The following KANTR variants were observed in gnomAD, a reference collection of about 807,000 sequenced individuals.
KANTR encodes the protein KDM5C adjacent transcript.
intron 2 of KANTR, among the ~76,000 whole-genome samples, chrX:53,108,731 C>T (rs1569235270): frequency 9.2e-6 from 1 of 108,228 alleles, no homozygotes; most frequent in Non-Finnish European, 1.9e-5. Flanking sequence ...GGCAGGGTCT[C>T]GCTCTGTAAC....
chrX:53,101,789 G>A (rs1932895923), intron 2 of KANTR, among the ~76,000 whole-genome samples: 1 of 111,887 alleles, frequency 8.9e-6, no homozygotes, highest in African/African-American at 3.2e-5. Context: ...CTTGACCTCA[G>A]GAGTTCAAGA....
chrX:53,143,405 G>A, downstream of KANTR: 1 of 677,181 alleles, frequency 1.5e-6, no homozygotes, highest in Non-Finnish European at 2.3e-6. Context: ...TGGTGGGAGG[G>A]CATGGCCCTC....
At chrX:53,102,000 CAAA>C (rs201162727) in intron 2 of KANTR, among the ~76,000 whole-genome samples, 6 of 43,379 alleles carry the variant, frequency 1.4e-4, no homozygotes. Flanking sequence ...AACCCTGTCT[CAAA>C]AAAAAAAAAA....
intron 2 of KANTR, among the ~76,000 whole-genome samples, chrX:53,122,061 A>T (rs1488348080): frequency 8.9e-6 from 1 of 112,418 alleles, no homozygotes; most frequent in African/African-American, 3.2e-5. Flanking sequence ...TTATTTATTT[A>T]TTCAGTCACT....
At chrX:53,142,980 T>A (rs1440093807), downstream of KANTR, 44 of 1,018,794 alleles carry the variant, frequency 4.3e-5, no homozygotes, top group Non-Finnish European at 5.7e-5. Flanking sequence ...TGGTGCTGGA[T>A]GCCAGCGTGG....
At chrX:53,132,989 G>A (rs934016752) in intron 2 of KANTR, among the ~76,000 whole-genome samples, 33 of 111,739 alleles carry the variant, frequency 3.0e-4, no homozygotes, top group African/African-American at 7.8e-4. Flanking sequence ...ACAAAAGGAT[G>A]TAAGTTAAAC....
At position 53,120,658 on chromosome X, in the gene KANTR, C is replaced by T. The variant is rs1349513839; in HGVS notation, c.-804-2811C>T. Among the ~76,000 whole-genome samples, 3 of 110,658 alleles carry T rather than the reference C, an allele frequency of 2.7e-5. No individual in the cohort carries two copies. In the Admixed American group the frequency reaches 2.9e-4, roughly 11 times the overall value. On this transcript the variant is annotated intron_variant, in intron 2 of 2. Coordinates refer to ENST00000604062, the Ensembl canonical transcript of KANTR. ...TGCAGGTATATAGAAATGAAGTTGG[C>T]TTTTGTATATTAGTATTATAACCAT... is the stretch of plus-strand genomic sequence containing the variant.
chrX:53,130,681 T>C (rs1933350475), downstream of KANTR, among the ~76,000 whole-genome samples: 1 of 112,184 alleles, frequency 8.9e-6, no homozygotes, highest in Non-Finnish European at 1.9e-5. Flanking sequence ...GTGTTTGCTG[T>C]TACTACCATT....
chrX:53,112,270 G>A (rs1185119653), intron 2 of KANTR, among the ~76,000 whole-genome samples: 2 of 111,876 alleles, frequency 1.8e-5, no homozygotes, highest in Non-Finnish European at 3.8e-5. Flanking sequence ...AATGGTCTCC[G>A]ATTCCATCCA....
intron 2 of KANTR, among the ~76,000 whole-genome samples, chrX:53,135,027 G>T: frequency 8.9e-6 from 1 of 112,053 alleles, no homozygotes. Context: ...TCCTTCAAAA[G>T]TTGGTCATTT....
At chrX:53,111,733 G>A (rs1049419394) in intron 2 of KANTR, among the ~76,000 whole-genome samples, 1 of 111,681 alleles carries the variant, frequency 9.0e-6, no homozygotes, top group Admixed American at 9.6e-5. Context: ...TTCTGGTTGA[G>A]CCAGTTAAGC....
intron 2 of KANTR, among the ~76,000 whole-genome samples, chrX:53,136,721 T>A: frequency 2.1e-5 from 1 of 47,311 alleles, no homozygotes; most frequent in Admixed American, 3.4e-4. Flanking sequence ...TATATATATA[T>A]ATATATATAT....
At chrX:53,104,361 G>A (rs1263066232) in intron 2 of KANTR, among the ~76,000 whole-genome samples, 2 of 109,545 alleles carry the variant, frequency 1.8e-5, no homozygotes, top group Non-Finnish European at 3.8e-5. Context: ...CGAGTAACTG[G>A]GATTACAGGC....
rs1830341386 is a variant in KANTR, at chrX:53,105,116, C to T, written c.-805+5508C>T. Among the ~76,000 whole-genome samples, 6 of 111,004 alleles carry T rather than the reference C, an allele frequency of 5.4e-5. No individual in the cohort carries two copies. The Admixed American group carries it at 5.8e-4, about 11-fold the overall frequency. ...CCCAGGCTGGTCTTGAACTCCTGGG[C>T]TCAAGAGATCTGCCCTCCTCGCCTC... On this transcript the variant is annotated intron_variant, in intron 2 of 2. Transcript: ENST00000604062.
chrX:53,097,350 G>GTTTTTTTTTTTTTTTTTTTT (rs781783647), intron 1 of KANTR, among the ~76,000 whole-genome samples: 4 of 68,001 alleles, frequency 5.9e-5, no homozygotes, highest in African/African-American at 2.1e-4. Flanking sequence ...TTTGTTTTAA[G>GTTTTTTTTTTTTTTTTTTTT]TTTTTTTTTT....
At chrX:53,097,047 C>T (rs964468492) in intron 1 of KANTR, among the ~76,000 whole-genome samples, 21 of 109,931 alleles carry the variant, frequency 1.9e-4, no homozygotes, top group African/African-American at 7.0e-4. Context: ...GCAGGAGAAT[C>T]GCTTGAACCC....
intron 2 of KANTR, among the ~76,000 whole-genome samples, chrX:53,108,914 C>T (rs969194703): frequency 2.7e-5 from 3 of 111,520 alleles, no homozygotes; most frequent in African/African-American, 9.8e-5. Flanking sequence ...GTTGTCCAGG[C>T]TGGTCTCAAA....
At chrX:53,147,915 C>G (rs1428238348) in intron 3 of KANTR, among the ~76,000 whole-genome samples, 1 of 111,344 alleles carries the variant, frequency 9.0e-6, no homozygotes, top group African/African-American at 3.3e-5. Flanking sequence ...TTCTTTGAAA[C>G]CAACGAGAAC....
chrX:53,101,700 A>G (rs1004219731), intron 2 of KANTR, among the ~76,000 whole-genome samples: 11 of 111,181 alleles, frequency 9.9e-5, no homozygotes, highest in Non-Finnish European at 1.7e-4. Flanking sequence ...TAGTTACACC[A>G]AAGATCACTG....
Sources: allele counts gnomAD v4.1 joint callset (sites outside exome capture counted in the v4.1 genomes callset), GRCh38; gene constraint gnomAD v4.1.1; transcripts MANE v1.5; gene names NCBI Gene and HGNC (gene_info 2026-07-23, HGNC 2026-07-21).